TACC1: variants seen among roughly 807,000 people sequenced by gnomAD.
TACC1 encodes the protein transforming acidic coiled-coil-containing protein 1.
A neutral mutation model predicts 84.4 loss-of-function variants in TACC1; 48 were observed. That is an observed-to-expected ratio of 0.57 (90% CI 0.45 to 0.72). The LOEUF (loss-of-function observed/expected upper bound fraction) is 0.72. TACC1 is among the 30% of genes least tolerant of loss of function. TACC1 has a pLI of 0.00. For missense variants in TACC1, 920 were observed against 973.0 expected, an observed-to-expected ratio of 0.95 and a Z score of 0.72; for synonymous variants, 372 against 376.3, an observed-to-expected ratio of 0.99 and a Z score of 0.13.
At chr8:38,811,971 G>C (rs549047354) in intron 2 of TACC1, among the ~76,000 whole-genome samples, 2 of 152,046 alleles carry the variant, frequency 1.3e-5, no homozygotes, top group Non-Finnish European at 2.9e-5. Flanking sequence ...ATGCATTCCT[G>C]GGGGGAGGTC....
intron 2 of TACC1, among the ~76,000 whole-genome samples, chr8:38,819,138 A>G (rs1187198891): frequency 5.9e-5 from 9 of 152,154 alleles, no homozygotes; most frequent in African/African-American, 1.4e-4. Flanking sequence ...CTCAGCACCA[A>G]TCTGCCTCCC....
At chr8:38,824,500 T>C (rs1345136930) in intron 3 of TACC1, among the ~76,000 whole-genome samples, 1 of 152,244 alleles carries the variant, frequency 6.6e-6, no homozygotes, top group African/African-American at 2.4e-5. Flanking sequence ...GAACTAGTGA[T>C]TATGCACATT....
chr8:38,787,688 G>A lies in TACC1; in HGVS notation c.106G>A (p.Glu36Lys), dbSNP rs1374630388. 1 of 1,542,864 alleles carries A rather than the reference G, an allele frequency of 6.5e-7. No individual in the cohort carries two copies. ...AAGEDEAGGPEGDPEEEDSQA... is the reference protein window; with the variant it reads ...AAGEDEAGGPKGDPEEEDSQA... ...CGGCGAGGACGAGGCTGGCGGGCCC[G>A]AGGGCGACCCCGAGGAGGAGGATTC... The change falls in exon 1 of 13, where the codon GAG becomes AAG. Residue 36 changes from glutamate (E) to lysine (K), a missense_variant. Physicochemically the swap from Glu to Lys is moderately conservative, Grantham distance 56. Coordinates refer to ENST00000317827, the MANE Select transcript of TACC1 (RefSeq NM_006283.3).
At chr8:38,785,049 G>A (rs867487948), upstream of TACC1, among the ~76,000 whole-genome samples, 37 of 150,572 alleles carry the variant, frequency 2.5e-4, no homozygotes, top group Admixed American at 1.2e-3. Context: ...TAGAAAGGAA[G>A]GACAATGAGC....
At chr8:38,790,784 C>G (rs1195824349) in intron 2 of TACC1, among the ~76,000 whole-genome samples, 1 of 152,104 alleles carries the variant, frequency 6.6e-6, no homozygotes, top group Non-Finnish European at 1.5e-5. Flanking sequence ...CTGTGCTTAC[C>G]CAGCTGAGAA....
chr8:38,757,354 A>T, intron 3 of TACC1: 1 of 1,264,884 alleles, frequency 7.9e-7, no homozygotes, highest in Non-Finnish European at 1.0e-6. Flanking sequence ...CCACTCTCAG[A>T]CCCCGAGGGG....
rs1832951468 is a variant in TACC1 at position 38,850,634 on chromosome 8, T to C, written c.*2611T>C. 6.6e-6 allele frequency: 1 copy of C among 151,476 alleles called. No homozygotes were observed. The highest frequency in any genetic ancestry group is 2.1e-4 in the South Asian group (1 of 4,796). The allele number at this position is 151,476 out of a possible 1,614,324, so 9.4% of individuals were successfully genotyped here. On this transcript the variant is annotated 3_prime_UTR_variant, in exon 13 of 13. Coordinates refer to ENST00000317827, the MANE Select transcript of TACC1 (RefSeq NM_006283.3). Reference sequence around the variant, plus strand: ...TGGTGAAACCTTGTCTCTACCAAAATAAAAATTAGCTGGGCATGGTGGCAC... The same window carrying C: ...TGGTGAAACCTTGTCTCTACCAAAACAAAAATTAGCTGGGCATGGTGGCAC...
chr8:38,755,917 C>G lies in TACC1; in HGVS notation c.26+10424C>G, dbSNP rs566569788. The stretch of plus-strand genomic sequence containing the variant: ...GCAACCTCCACTTCCTGGGTTCAAG[C>G]GATTCTCCTGCCTCAGCCTCCTAAG... On this transcript the variant is annotated intron_variant, in intron 3 of 14. Coordinates refer to the TACC1 transcript ENST00000518415. 4.6e-5 allele frequency among the ~76,000 whole-genome samples: 7 copies of G among 151,844 alleles called. No individual in the cohort carries two copies. In the South Asian group the frequency reaches 1.5e-3, roughly 32 times the overall value.
At chr8:38,832,316 C>T (rs948675248) in intron 6 of TACC1, among the ~76,000 whole-genome samples, 1 of 152,078 alleles carries the variant, frequency 6.6e-6, no homozygotes. Flanking sequence ...ATAGGAAACA[C>T]GTGGAAAAGA....
chr8:38,766,804 T>G (rs1812340217), intron 3 of TACC1, among the ~76,000 whole-genome samples: 1 of 152,094 alleles, frequency 6.6e-6, no homozygotes, highest in Non-Finnish European at 1.5e-5. Flanking sequence ...AGAGCTAGGT[T>G]TCAGTCCTGA....
chr8:38,821,393 A>G (rs926720383), intron 3 of TACC1, among the ~76,000 whole-genome samples: 6 of 152,200 alleles, frequency 3.9e-5, no homozygotes, highest in African/African-American at 1.4e-4. Context: ...AACGTGGGAA[A>G]TGATCCAAAA....
chr8:38,793,679 G>A (rs951091687), intron 2 of TACC1, among the ~76,000 whole-genome samples: 1 of 152,062 alleles, frequency 6.6e-6, no homozygotes, highest in Non-Finnish European at 1.5e-5. Flanking sequence ...CAGGGCTCAA[G>A]TAAGTGATCC....
intron 2 of TACC1, among the ~76,000 whole-genome samples, chr8:38,796,866 C>T (rs991955243): frequency 7.9e-5 from 12 of 152,212 alleles, no homozygotes; most frequent in African/African-American, 2.9e-4. Flanking sequence ...GGCTGCATAA[C>T]AAATTACTCC....
chr8:38,746,151 T>G (rs901135010), intron 3 of TACC1, among the ~76,000 whole-genome samples: 2 of 152,170 alleles, frequency 1.3e-5, no homozygotes, highest in African/African-American at 4.8e-5. Flanking sequence ...TATTTTATAG[T>G]TTTAGGAGGT....
chr8:38,791,998 G>A (rs866733323), intron 2 of TACC1, among the ~76,000 whole-genome samples: 14 of 152,178 alleles, frequency 9.2e-5, no homozygotes, highest in Non-Finnish European at 1.6e-4. Flanking sequence ...CTCTTCCTAA[G>A]AGTTGTATGC....
intron 2 of TACC1, 110 bp downstream of exon 2, chr8:38,788,929 TAAGA>T (rs1817981858): frequency 2.3e-6 from 2 of 869,928 alleles, no homozygotes; most frequent in Middle Eastern, 3.4e-4. Flanking sequence ...AGAGTTTGAC[TAAGA>T]AAGAGCTGTT....
At chr8:38,773,269 G>A (rs1198205719) in intron 3 of TACC1, among the ~76,000 whole-genome samples, 1 of 151,680 alleles carries the variant, frequency 6.6e-6, no homozygotes, top group African/African-American at 2.4e-5. Flanking sequence ...GAGTTGTGGC[G>A]AGCCGAGATC....
intron 2 of TACC1, among the ~76,000 whole-genome samples, chr8:38,798,540 T>A (rs1455693851): frequency 6.6e-6 from 1 of 151,764 alleles, no homozygotes; most frequent in African/African-American, 2.4e-5. Flanking sequence ...TGGGTAATGT[T>A]TTTGTTTGGG....
intron 9 of TACC1, 102 bp downstream of exon 9, chr8:38,840,369 A>G (rs558268454): frequency 4.3e-4 from 465 of 1,069,116 alleles, no homozygotes; most frequent in Non-Finnish European, 3.9e-4. Context: ...GCTTATAAAC[A>G]ACAAACATTT....
Sources: allele counts gnomAD v4.1 joint callset (sites outside exome capture counted in the v4.1 genomes callset), GRCh38; gene constraint gnomAD v4.1.1; transcripts MANE v1.5; gene names NCBI Gene and HGNC (gene_info 2026-07-23, HGNC 2026-07-21).